Variants in CDKL2 observed in about 807,000 individuals in gnomAD.
CDKL2 encodes the protein cyclin-dependent kinase-like 2.
Under a neutral mutation model 63.9 loss-of-function variants are expected in CDKL2, and 64 were observed. The ratio of observed to expected loss-of-function variants is 1.00; its 90% CI spans 0.82 to 1.23. The LOEUF (loss-of-function observed/expected upper bound fraction) is 1.23. Among genes scored for constraint, CDKL2 ranks in the 50% most tolerant of loss-of-function variants. The pLI, the probability that CDKL2 is intolerant of heterozygous loss-of-function variation, is 0.00. For synonymous variants in CDKL2, 211 were observed against 229.2 expected (o/e 0.92, Z 0.72); for missense variants, 656 against 668.0 (o/e 0.98, Z 0.20).
At chr4:75,604,873 C>T (rs957645223) in intron 5 of CDKL2, among the ~76,000 whole-genome samples, 4 of 152,200 alleles carry the variant, frequency 2.6e-5, no homozygotes, top group Non-Finnish European at 4.4e-5. Flanking sequence ...CAGTGGCTCA[C>T]GCCTGCAATC....
chr4:75,592,183 ATAGTT>A lies in CDKL2; in HGVS notation c.1498_1502del (p.Asn500Ter). The A allele has an allele frequency of 6.5e-7, 1 of 1,535,292 alleles. No individual in the cohort carries two copies. The highest frequency in any genetic ancestry group is 8.7e-7 in the Non-Finnish European group (1 of 1,146,586). On this transcript the variant is annotated frameshift_variant, in exon 11 of 14. Transcript: ENST00000307465. LOFTEE classifies it high-confidence loss of function. ...GTGCTCTTAGTTCAGGGAGATGATT[ATAGTT>A]TAGTTCAGGCAAACGGACATCTGTC...
chr4:75,591,689 C>T (rs1051056724), intron 12 of CDKL2, 130 bp downstream of exon 12: 18 of 581,964 alleles, frequency 3.1e-5, no homozygotes, highest in Non-Finnish European at 3.9e-5. Flanking sequence ...ACAACATTTG[C>T]AAGCAAAATG....
chr4:75,627,371 C>A (rs942635138), intron 1 of CDKL2, among the ~76,000 whole-genome samples: 2 of 151,952 alleles, frequency 1.3e-5, no homozygotes, highest in African/African-American at 4.8e-5. Flanking sequence ...CTCCTGGGTT[C>A]AAGCAATTCT....
chr4:75,607,625 A>G (rs1729477431), intron 3 of CDKL2, among the ~76,000 whole-genome samples: 1 of 152,172 alleles, frequency 6.6e-6, no homozygotes. Flanking sequence ...ACTGCTCTCA[A>G]GACTAAGAGA....
Position 75,614,242 on chromosome 4 carries a change from A to G in CDKL2, c.363+13T>C, listed in dbSNP as rs1338422518. 6 of 1,523,202 alleles carry G rather than the reference A, an allele frequency of 3.9e-6. No individual in the cohort carries two copies. Among genetic ancestry groups the G allele is most frequent in the Non-Finnish European group, 5.4e-6 (6 of 1,110,830 alleles). 94.4% of individuals were successfully genotyped at this position (1,523,202 alleles called of 1,614,324 possible). A position where few individuals can be genotyped will look rare whatever the true frequency, so the allele number is the denominator to read the frequency against. The stretch of plus-strand genomic sequence containing the variant: ...ATATGTGATAAAGCAAATTATTTAA[A>G]CCCAATACTTACATTGTGACTGTGA... On this transcript the variant is annotated intron_variant, in intron 3 of 13. Transcript: ENST00000307465.
At chr4:75,617,523 A>G (rs1183613820) in intron 2 of CDKL2, among the ~76,000 whole-genome samples, 1 of 152,102 alleles carries the variant, frequency 6.6e-6, no homozygotes, top group Non-Finnish European at 1.5e-5. Context: ...AAAAAACTAA[A>G]CAAACCAACA....
chr4:75,597,164 T>C lies in CDKL2; in HGVS notation c.1093A>G (p.Lys365Glu). The C allele has an allele frequency of 9.3e-6, 15 of 1,613,772 alleles. No homozygotes were observed. Among genetic ancestry groups the C allele is most frequent in the Non-Finnish European group, 1.3e-5 (15 of 1,179,668 alleles). ...GAAGCTCTATTGCCTTTTTCAGCTT[T>C]TTCTCCATCAATTTTTGAGCCTTTT... ...KIKGSKIDGE[K>E]AEKGNRASNA... Residue 365 changes from lysine to glutamate, a missense_variant, in exon 9 of 14, where the codon AAA (lysine) becomes GAA (glutamate). Transcript: ENST00000307465.
chr4:75,607,417 C>A, intron 3 of CDKL2, 56 bp from the exon 4 acceptor site: 1 of 1,384,832 alleles, frequency 7.2e-7, no homozygotes, highest in South Asian at 1.3e-5. Flanking sequence ...TTTTGGGGCA[C>A]CTGCTATGTG....
intron 12 of CDKL2, among the ~76,000 whole-genome samples, chr4:75,589,299 C>CTTT (rs34052339): frequency 5.1e-4 from 45 of 88,386 alleles, no homozygotes; most frequent in African/African-American, 8.8e-4. Flanking sequence ...TTGATAGTTT[C>CTTT]TTTTTTTTTT....
intron 3 of CDKL2, among the ~76,000 whole-genome samples, chr4:75,612,335 C>T (rs879898879): frequency 6.6e-6 from 1 of 152,040 alleles, no homozygotes; most frequent in Non-Finnish European, 1.5e-5. Context: ...TCTAAACTGC[C>T]TGGATGTATC....
intron 13 of CDKL2, among the ~76,000 whole-genome samples, chr4:75,580,663 T>C (rs573839625): frequency 7.1e-6 from 1 of 141,268 alleles, no homozygotes; most frequent in South Asian, 2.5e-4. Flanking sequence ...TAAGATCCCA[T>C]CTCAAAAAAA....
At chr4:75,617,694 T>G (rs1291772635) in intron 2 of CDKL2, among the ~76,000 whole-genome samples, 2 of 152,200 alleles carry the variant, frequency 1.3e-5, no homozygotes, top group Non-Finnish European at 2.9e-5. Flanking sequence ...ACACTAAAAC[T>G]TTTTACTCTT....
Position 75,597,236 on chromosome 4 carries a change from C to T in CDKL2, c.1021G>A (p.Asp341Asn), listed in dbSNP as rs750082504. ...VEERKTLVVQ[D>N]TNADPKIKDY... The stretch of plus-strand genomic sequence containing the variant: ...TTAATTTTGGGATCAGCATTGGTAT[C>T]CTGATCATTAACAAAAATATTAATA... Residue 341 changes from aspartate to asparagine, a missense_variant and splice_region_variant, in exon 9 of 14, where the codon GAT (aspartate) becomes AAT (asparagine). By Grantham distance (23) the Asp-to-Asn change is conservative. Coordinates refer to ENST00000307465, the MANE Select transcript of CDKL2 (RefSeq NM_001330724.2). 6.4e-7 allele frequency: 1 copy of T among 1,560,994 alleles called. No homozygotes were observed. The highest frequency in any genetic ancestry group is 8.8e-7 in the Non-Finnish European group (1 of 1,139,670).
intron 2 of CDKL2, among the ~76,000 whole-genome samples, chr4:75,616,752 A>G (rs534634024): frequency 6.3e-5 from 2 of 31,880 alleles, no homozygotes; most frequent in East Asian, 2.8e-3. Flanking sequence ...ATGTTTTTTA[A>G]AGAGTTATAC....
At chr4:75,609,734 A>G (rs1156530055) in intron 3 of CDKL2, among the ~76,000 whole-genome samples, 1 of 150,510 alleles carries the variant, frequency 6.6e-6, no homozygotes, top group Non-Finnish European at 1.5e-5. Flanking sequence ...AATATAAGCA[A>G]ATTGTATTTT....
chr4:75,583,063 C>T (rs536410239), intron 12 of CDKL2, among the ~76,000 whole-genome samples: 1 of 152,204 alleles, frequency 6.6e-6, no homozygotes, highest in East Asian at 1.9e-4. Flanking sequence ...GATTTTCAGG[C>T]TGAAGGAAAA....
At chr4:75,586,935 G>A (rs1728504278) in intron 12 of CDKL2, among the ~76,000 whole-genome samples, 1 of 152,072 alleles carries the variant, frequency 6.6e-6, no homozygotes, top group Non-Finnish European at 1.5e-5. Context: ...GAAAAATTGA[G>A]AGAATAAACT....
chr4:75,579,478 A>C (rs888652350), intron 13 of CDKL2, among the ~76,000 whole-genome samples: 9 of 152,196 alleles, frequency 5.9e-5, no homozygotes, highest in African/African-American at 2.2e-4. Context: ...GTTCAAGACC[A>C]GCCTGACCAA....
chr4:75,625,349 T>G (rs1730351846), intron 2 of CDKL2, among the ~76,000 whole-genome samples: 2 of 151,948 alleles, frequency 1.3e-5, no homozygotes, highest in African/African-American at 4.8e-5. Context: ...TTTAAATAAC[T>G]CAGGGATTAA....
Sources: gnomAD v4.1 joint callset for allele counts (sites outside exome capture counted in the v4.1 genomes callset) on GRCh38, gnomAD v4.1.1 for gene constraint, MANE v1.5 for transcripts, NCBI Gene and HGNC (gene_info 2026-07-23, HGNC 2026-07-21) for gene names.